DPF3: variants seen among roughly 807,000 people sequenced by gnomAD.
DPF3 encodes the protein zinc finger protein DPF3.
Under a neutral mutation model 56.8 loss-of-function variants are expected in DPF3, and 18 were observed. The ratio of observed to expected loss-of-function variants is 0.32; its 90% CI spans 0.22 to 0.47. The LOEUF is 0.47. DPF3 is among the 20% of genes least tolerant of loss of function. The pLI, the probability that DPF3 is intolerant of heterozygous loss-of-function variation, is 1.00. For synonymous variants in DPF3, 188 were observed against 180.2 expected (o/e 1.04, Z -0.35); for missense variants, 403 against 488.8 (o/e 0.82, Z 1.65).
chr14:72,759,945 A>G (rs1890998009), intron 2 of DPF3, among the ~76,000 whole-genome samples: 1 of 152,202 alleles, frequency 6.6e-6, no homozygotes, highest in African/African-American at 2.4e-5. Context: ...ACTAAGGCAA[A>G]CTAAAGATAG....
chr14:72,697,548 C>T (rs1017590424), intron 6 of DPF3, among the ~76,000 whole-genome samples: 1 of 152,030 alleles, frequency 6.6e-6, no homozygotes, highest in South Asian at 2.1e-4. Flanking sequence ...AGAGGTGGAG[C>T]GGTGGGGGTG....
intron 6 of DPF3, among the ~76,000 whole-genome samples, chr14:72,712,161 G>A (rs1599376984): frequency 6.6e-6 from 1 of 152,086 alleles, no homozygotes; most frequent in African/African-American, 2.4e-5. Flanking sequence ...CTTCCAGAAA[G>A]CCTGCCGTCA....
In DPF3 at chr14:72,873,935, A is replaced by C. The variant is rs537414804; in HGVS notation, c.32+20122T>G. On this transcript the variant is annotated intron_variant, in intron 1 of 10. Coordinates refer to ENST00000556509, the MANE Select transcript of DPF3 (RefSeq NM_001280542.3). Reference sequence around the variant, plus strand: ...CCGGGGCCTGTTGTGGGGTGGGGGGAAGGGGAGGGATAGCATTAGGAGATA... The same window carrying C: ...CCGGGGCCTGTTGTGGGGTGGGGGGCAGGGGAGGGATAGCATTAGGAGATA... Among the ~76,000 whole-genome samples the C allele has an allele frequency of 2.0e-5, 3 of 151,574 alleles. No homozygotes were observed. The South Asian group carries it at 6.3e-4, about 32-fold the overall frequency.
At chr14:72,754,229 C>A (rs534896276) in intron 2 of DPF3, among the ~76,000 whole-genome samples, 2 of 151,962 alleles carry the variant, frequency 1.3e-5, no homozygotes, top group African/African-American at 4.8e-5. Context: ...GGAAATGGGG[C>A]GGGGAAGAGG....
intron 6 of DPF3, among the ~76,000 whole-genome samples, chr14:72,704,006 TG>T (rs2153574451): frequency 6.6e-6 from 1 of 152,372 alleles, no homozygotes; most frequent in Admixed American, 6.5e-5. Context: ...AATTTCTCAT[TG>T]AACCCTCTTG....
intron 3 of DPF3, among the ~76,000 whole-genome samples, chr14:72,741,457 G>C (rs1159950595): frequency 6.6e-6 from 1 of 152,196 alleles, no homozygotes; most frequent in African/African-American, 2.4e-5. Context: ...TTTGGACAGG[G>C]AAGGCCCCTA....
At chr14:72,659,587 C>A (rs768918743) in intron 8 of DPF3, among the ~76,000 whole-genome samples, 1 of 152,110 alleles carries the variant, frequency 6.6e-6, no homozygotes, top group East Asian at 1.9e-4. Flanking sequence ...AAAGAAAGCC[C>A]GAGTCATGAG....
chr14:72,854,012 C>T (rs992747105), intron 1 of DPF3, among the ~76,000 whole-genome samples: 3 of 152,170 alleles, frequency 2.0e-5, no homozygotes, highest in African/African-American at 4.8e-5. Context: ...AAGTCCAGAA[C>T]ACATAAACTC....
rs974099793 is a variant in DPF3 at position 72,698,959 on chromosome 14, A to G, written c.605-5746T>C. Among the ~76,000 whole-genome samples the G allele has an allele frequency of 3.3e-5, 5 of 152,182 alleles. 1 individual carries two copies. Among genetic ancestry groups the G allele is most frequent in the Admixed American group, 6.5e-5 (1 of 15,280 alleles). On this transcript the variant is annotated intron_variant, in intron 6 of 10. Transcript: ENST00000556509. Reference sequence around the variant, plus strand: ...AGCTACGGAAAGCAAAGAGATGCACATGTTTCTGACGTGGGCAACTGGGTA... The same window carrying G: ...AGCTACGGAAAGCAAAGAGATGCACGTGTTTCTGACGTGGGCAACTGGGTA...
At chr14:72,760,932 T>A (rs1393206245) in intron 2 of DPF3, among the ~76,000 whole-genome samples, 1 of 152,100 alleles carries the variant, frequency 6.6e-6, no homozygotes, top group Non-Finnish European at 1.5e-5. Context: ...GGAGTGGCTA[T>A]ATTGGAATTA....
At chr14:72,759,609 G>T (rs1224128605) in intron 2 of DPF3, among the ~76,000 whole-genome samples, 2 of 151,570 alleles carry the variant, frequency 1.3e-5, no homozygotes, top group Non-Finnish European at 2.9e-5. Context: ...AAGAAAGAAA[G>T]AATTTAAAAA....
At chr14:72,718,771 A>ATTTTTTTTT (rs766396428) in intron 5 of DPF3, among the ~76,000 whole-genome samples, 27,492 of 92,734 alleles carry the variant, frequency 0.3, 6,760 homozygotes, top group East Asian at 0.45. Flanking sequence ...CACCCTTGCT[A>ATTTTTTTTT]TTTTTTTTTT....
chr14:72,873,339 C>A (rs1378622583), intron 1 of DPF3, among the ~76,000 whole-genome samples: 1 of 152,180 alleles, frequency 6.6e-6, no homozygotes, highest in Non-Finnish European at 1.5e-5. Flanking sequence ...TCATCACTGG[C>A]CATCAGAGAA....
intron 1 of DPF3, among the ~76,000 whole-genome samples, chr14:72,824,898 T>A (rs1883726058): frequency 1.3e-5 from 2 of 151,920 alleles, no homozygotes; most frequent in Non-Finnish European, 2.9e-5. Flanking sequence ...CCTTTTTTTT[T>A]ATTTTTTGAG....
intron 1 of DPF3, among the ~76,000 whole-genome samples, chr14:72,843,031 AAAT>A (rs1884614255): frequency 6.6e-6 from 1 of 151,396 alleles, no homozygotes; most frequent in Non-Finnish European, 1.5e-5. Flanking sequence ...TCAAAAAAAT[AAAT>A]AAATAAATAA....
chr14:72,820,497 G>A (rs1883484862), intron 1 of DPF3, among the ~76,000 whole-genome samples: 1 of 152,062 alleles, frequency 6.6e-6, no homozygotes, highest in African/African-American at 2.4e-5. Context: ...TACTAGTATT[G>A]TAGGACAAGA....
chr14:72,703,407 G>A (rs1209471589), intron 6 of DPF3, among the ~76,000 whole-genome samples: 1 of 152,114 alleles, frequency 6.6e-6, no homozygotes, highest in East Asian at 1.9e-4. Context: ...AGAGTGTCCT[G>A]CTTATTTTGG....
At chr14:72,731,335 G>A in intron 4 of DPF3, 1 of 161,816 alleles carries the variant, frequency 6.2e-6, no homozygotes, top group Non-Finnish European at 1.3e-5. Context: ...GGGATGGCTG[G>A]GCACTGCTGG....
At chr14:72,808,208 C>A (rs139565468) in intron 1 of DPF3, among the ~76,000 whole-genome samples, 1 of 152,206 alleles carries the variant, frequency 6.6e-6, no homozygotes, top group Non-Finnish European at 1.5e-5. Flanking sequence ...AGGGTCAGGG[C>A]TGGAGACCAG....
Sources: allele counts gnomAD v4.1 joint callset (sites outside exome capture counted in the v4.1 genomes callset), GRCh38; gene constraint gnomAD v4.1.1; transcripts MANE v1.5; gene names NCBI Gene and HGNC (gene_info 2026-07-23, HGNC 2026-07-21).